The following SETD2 variants were observed in gnomAD, a reference collection of about 807,000 sequenced individuals.
SETD2 encodes the protein histone-lysine N-methyltransferase SETD2.
Under a neutral mutation model 242.1 loss-of-function variants are expected in SETD2, and 31 were observed. That is an observed-to-expected ratio of 0.13 (90% CI 0.10 to 0.17). The LOEUF (loss-of-function observed/expected upper bound fraction) is 0.17, where lower values mean the gene tolerates loss of function less well. Ranked by LOEUF, SETD2 falls within the 10% of genes least tolerant of loss-of-function variation. SETD2 has a pLI of 1.00. For missense variants in SETD2, 2,481 were observed against 3,046.3 expected, an observed-to-expected ratio of 0.81 and a Z score of 4.37; for synonymous variants, 1,006 against 1,066.5, an observed-to-expected ratio of 0.94 and a Z score of 1.11.
At chr3:47,105,323 T>C (rs2042367313) in intron 6 of SETD2, among the ~76,000 whole-genome samples, 1 of 149,188 alleles carries the variant, frequency 6.7e-6, no homozygotes, top group South Asian at 2.1e-4. Context: ...GGCACAAGAA[T>C]CGCTTGAACC....
intron 1 of SETD2, among the ~76,000 whole-genome samples, chr3:47,143,948 GATCTGCC>G (rs747022223): frequency 6.6e-6 from 1 of 152,188 alleles, no homozygotes; most frequent in Middle Eastern, 3.4e-3. Flanking sequence ...CTGACCTCGT[GATCTGCC>G]CGCCTCGGCC....
In SETD2 at chr3:47,123,217, G is replaced by A. The variant is rs781008481; in HGVS notation, c.1419C>T (p.Thr473=). ...CTCTGTAAGAAGAGGAATGAGATGA[G>A]GTACGCCTTGAGTATGTCTTCTTAT... The part of the protein sequence containing the change: ...EEYKKTYSRR[T]SSHSSSYRDL... Residue 473 remains threonine, a synonymous_variant, in exon 3 of 21, where the codon ACC becomes ACT. Coordinates refer to ENST00000409792, the MANE Select transcript of SETD2 (RefSeq NM_014159.7). 1.3e-6 allele frequency: 2 copies of A among 1,569,140 alleles called. No individual in the cohort carries two copies. Among genetic ancestry groups the A allele is most frequent in the Non-Finnish European group, 8.7e-7 (1 of 1,154,908 alleles).
At chr3:47,027,371 T>C (rs965117840) in intron 18 of SETD2, among the ~76,000 whole-genome samples, 8 of 133,354 alleles carry the variant, frequency 6.0e-5, no homozygotes, top group Non-Finnish European at 1.1e-4. Flanking sequence ...AGAGAACACA[T>C]GGACACAGGA....
chr3:47,066,320 C>A (rs972637467), intron 13 of SETD2, among the ~76,000 whole-genome samples: 1 of 152,142 alleles, frequency 6.6e-6, no homozygotes, highest in Non-Finnish European at 1.5e-5. Flanking sequence ...CAAGGGTCAA[C>A]TGTGTACATA....
At chr3:47,156,865 G>A (rs1460175496) in intron 1 of SETD2, among the ~76,000 whole-genome samples, 2 of 152,160 alleles carry the variant, frequency 1.3e-5, no homozygotes, top group African/African-American at 4.8e-5. Flanking sequence ...AATTTGACTT[G>A]CTGGGCACGG....
intron 6 of SETD2, among the ~76,000 whole-genome samples, chr3:47,104,581 A>G (rs189556124): frequency 2.0e-5 from 3 of 152,256 alleles, no homozygotes; most frequent in African/African-American, 7.2e-5. Flanking sequence ...TGTTATTTTT[A>G]TCAATAAGTA....
At chr3:47,060,841 T>A (rs2040299766) in intron 14 of SETD2, among the ~76,000 whole-genome samples, 1 of 152,038 alleles carries the variant, frequency 6.6e-6, no homozygotes, top group Non-Finnish European at 1.5e-5. Flanking sequence ...GCAACAATTA[T>A]CACCAAGACA....
At chr3:47,098,107 T>C (rs2107675063) in intron 8 of SETD2, 26 bp from the exon 9 acceptor site, 1 of 1,612,826 alleles carries the variant, frequency 6.2e-7, no homozygotes, top group South Asian at 1.1e-5. Flanking sequence ...AGGAAAGAAG[T>C]CAGCTATGTG....
In SETD2 at chr3:47,123,716, G is replaced by A. The variant is rs1303561180; in HGVS notation, c.920C>T (p.Ser307Phe). The change falls in exon 3 of 21, where the codon TCT (serine) becomes TTT (phenylalanine). Residue 307 changes from serine to phenylalanine, a missense_variant. Ser to Phe is a radical substitution (Grantham distance 155, BLOSUM62 -2). Coordinates refer to ENST00000409792, the MANE Select transcript of SETD2 (RefSeq NM_014159.7). ...TTCAGATTGTGAGGATTTCTTCTTA[G>A]AACCTGTTTTTTTACAGCTCAGACT... ...KISLSCKKTG[S>F]KKKSSQSEGI... is the part of the protein sequence containing the mutation. 1 of 1,551,334 alleles carries A rather than the reference G, an allele frequency of 6.4e-7. No individual in the cohort carries two copies. Among genetic ancestry groups the A allele is most frequent in the Non-Finnish European group, 8.7e-7 (1 of 1,146,856 alleles).
chr3:47,034,986 T>C (rs897375484), intron 18 of SETD2, among the ~76,000 whole-genome samples: 9 of 152,212 alleles, frequency 5.9e-5, no homozygotes, highest in Admixed American at 5.2e-4. Context: ...TATAATACTT[T>C]CAAGAGCCTA....
chr3:47,101,824 A>G (rs1381935512), intron 7 of SETD2, among the ~76,000 whole-genome samples: 1 of 152,212 alleles, frequency 6.6e-6, no homozygotes, highest in East Asian at 1.9e-4. Flanking sequence ...TAACTGCTAA[A>G]AAAAAGAAAA....
At chr3:47,101,363 A>G in intron 8 of SETD2, 95 bp downstream of exon 8, 2 of 701,492 alleles carry the variant, frequency 2.9e-6, no homozygotes, top group Non-Finnish European at 4.9e-6. Context: ...AGTAAATATA[A>G]CTTTTAAGTA....
intron 9 of SETD2, among the ~76,000 whole-genome samples, chr3:47,096,571 CAAAAAAAAAA>C (rs759377907): frequency 3.1e-5 from 1 of 31,958 alleles, no homozygotes; most frequent in Non-Finnish European, 5.8e-5. Flanking sequence ...GATTTTGCCT[CAAAAAAAAAA>C]AAAAAAAAAA....
chr3:47,018,157 C>A (rs2038062294), intron 19 of SETD2, among the ~76,000 whole-genome samples: 2 of 152,184 alleles, frequency 1.3e-5, no homozygotes, highest in South Asian at 2.1e-4. Flanking sequence ...TCCCAGGAAC[C>A]ACAGGAATTT....
chr3:47,164,023 C>T lies in SETD2; in HGVS notation c.-99G>A. ...GCCGCAGGTCCGACCGCGGCGGCGG[C>T]GGCGGCGGCGGCGGCGGCGGCAGGG... On this transcript the variant is annotated 5_prime_UTR_variant, in exon 1 of 21. Coordinates refer to ENST00000409792, the MANE Select transcript of SETD2 (RefSeq NM_014159.7). This position sits in a 1 kb window ranked among gnomAD's most constrained non-coding sequence, Gnocchi z 5.4. 9.7e-7 allele frequency: 1 copy of T among 1,033,580 alleles called. No individual in the cohort carries two copies. The highest frequency in any genetic ancestry group is 1.2e-6 in the Non-Finnish European group (1 of 816,928). The allele number at this position is 1,033,580 out of a possible 1,614,324, so 64.0% of individuals were successfully genotyped here. A position where few individuals can be genotyped will look rare whatever the true frequency, so the allele number is the denominator to read the frequency against.
Position 47,123,187 on chromosome 3 carries a change from T to C in SETD2, c.1449A>G (p.Leu483=). 1 of 1,595,782 alleles carries C rather than the reference T, an allele frequency of 6.3e-7. No homozygotes were observed. Among genetic ancestry groups the C allele is most frequent in the Non-Finnish European group, 8.6e-7 (1 of 1,169,410 alleles). The change falls in exon 3 of 21, where the codon CTA becomes CTG. Residue 483 remains leucine (L), a synonymous_variant. Coordinates refer to ENST00000409792, the MANE Select transcript of SETD2 (RefSeq NM_014159.7). ...TSSHSSSYRD[L]RTSSYSKSDR... ...CAGATTTAGAATAGGATGATGTCCT[T>C]AGGTCTCTGTAAGAAGAGGAATGAG...
intron 7 of SETD2, among the ~76,000 whole-genome samples, chr3:47,101,975 G>C (rs1192781624): frequency 6.6e-6 from 1 of 152,152 alleles, no homozygotes; most frequent in Non-Finnish European, 1.5e-5. Context: ...AAGTAACCAT[G>C]TTGTAAGATA....
At chr3:47,092,127 T>C (rs73079616) in intron 9 of SETD2, among the ~76,000 whole-genome samples, 8,235 of 152,132 alleles carry the variant, frequency 0.054, 318 homozygotes, top group Admixed American at 0.087. Flanking sequence ...ACCGTAAAAA[T>C]GCAGAAACTG....
At chr3:47,027,132 G>A (rs1290028878) in intron 18 of SETD2, among the ~76,000 whole-genome samples, 2 of 151,822 alleles carry the variant, frequency 1.3e-5, no homozygotes, top group African/African-American at 2.4e-5. Context: ...TCAGGAGATC[G>A]AGATCATTCT....
Sources: gnomAD v4.1 joint callset for allele counts (sites outside exome capture counted in the v4.1 genomes callset) on GRCh38, gnomAD v4.1.1 for gene constraint, Gnocchi (gnomAD v3.1) non-coding constraint, MANE v1.5 for transcripts, NCBI Gene and HGNC (gene_info 2026-07-23, HGNC 2026-07-21) for gene names.